The following KIAA1549 variants were observed in gnomAD, a reference collection of about 807,000 sequenced individuals.
KIAA1549 encodes the protein KIAA1549.
In KIAA1549, 70 loss-of-function variants were observed where a neutral mutation model predicts 156.4. The ratio of observed to expected loss-of-function variants is 0.45; its 90% confidence interval spans 0.37 to 0.55. KIAA1549 has a LOEUF of 0.55. Among genes scored for constraint, KIAA1549 ranks in the 20% least tolerant of loss-of-function variants. The pLI is 0.00. For synonymous variants in KIAA1549, 1,103 were observed against 1,066.4 expected (o/e 1.03, Z -0.67); for missense variants, 2,428 against 2,540.9 (o/e 0.96, Z 0.96).
At chr7:138,839,778 CTTTTTTTTTTTTTTT>C (rs763327649) in intron 19 of KIAA1549, among the ~76,000 whole-genome samples, 15 of 61,362 alleles carry the variant, frequency 2.4e-4, no homozygotes, top group African/African-American at 5.8e-4. Context: ...GGGATTATGT[CTTTTTTTTTTTTTTT>C]TTTTTTTTTT....
At chr7:138,865,294 G>A (rs908382570) in intron 15 of KIAA1549, among the ~76,000 whole-genome samples, 1 of 152,090 alleles carries the variant, frequency 6.6e-6, no homozygotes, top group African/African-American at 2.4e-5. Flanking sequence ...AATTATAATG[G>A]TCACCCTTAT....
chr7:138,838,913 C>T lies in KIAA1549; in HGVS notation c.5599-753G>A, dbSNP rs118014407. ...GGCACGGTGTCTCATACTTGTAACCCCAATCCTTTGGGAGGCCAAGGAGAG... is the reference window on the plus strand; with the variant it reads ...GGCACGGTGTCTCATACTTGTAACCTCAATCCTTTGGGAGGCCAAGGAGAG... On this transcript the variant is annotated intron_variant, in intron 19 of 19. Transcript: ENST00000422774. Among the ~76,000 whole-genome samples the T allele has an allele frequency of 8.0e-3, 1,224 of 152,158 alleles. 11 individuals carry two copies. The highest frequency in any genetic ancestry group is 0.012 in the Non-Finnish European group (788 of 68,016).
intron 1 of KIAA1549, among the ~76,000 whole-genome samples, chr7:138,967,083 CAT>C (rs1371141872): frequency 6.6e-6 from 1 of 152,184 alleles, no homozygotes; most frequent in Non-Finnish European, 1.5e-5. Context: ...CGGAGTAACA[CAT>C]GATATCATTA....
intron 1 of KIAA1549, among the ~76,000 whole-genome samples, chr7:138,949,425 A>C (rs1490605149): frequency 1.3e-5 from 2 of 152,178 alleles, no homozygotes; most frequent in Admixed American, 1.3e-4. Context: ...AGTAAAATTT[A>C]ATTTTTATTT....
rs143614599 is a variant in KIAA1549, at chr7:138,954,158, A to T, written c.187+26925T>A. ...CAACAGCAAATAAATATACGATGGT[A>T]GACAGAAATTGCTAGAAGAATATGA... On this transcript the variant is annotated intron_variant, in intron 1 of 19. Coordinates refer to ENST00000422774, the MANE Select transcript of KIAA1549 (RefSeq NM_001164665.2). Among the ~76,000 whole-genome samples, 412 of 152,360 alleles carry T rather than the reference A, an allele frequency of 2.7e-3. 4 individuals are homozygous for T. The highest frequency in any genetic ancestry group is 9.3e-3 in the African/African-American group (386 of 41,580).
chr7:138,894,601 G>T, intron 9 of KIAA1549, 75 bp from the exon 10 acceptor site: 1 of 1,427,496 alleles, frequency 7.0e-7, no homozygotes, highest in Non-Finnish European at 9.7e-7. Context: ...TCTTCTATGA[G>T]AAACTCAGAA....
At chr7:138,906,060 T>A (rs185980972) in intron 6 of KIAA1549, among the ~76,000 whole-genome samples, 1 of 152,344 alleles carries the variant, frequency 6.6e-6, no homozygotes, top group Admixed American at 6.5e-5. Flanking sequence ...TACTTTTTGA[T>A]AGCACCCCTT....
At chr7:138,911,035 A>AATT in intron 4 of KIAA1549, 111 bp downstream of exon 4, 1 of 895,862 alleles carries the variant, frequency 1.1e-6, no homozygotes, top group Non-Finnish European at 1.6e-6. Flanking sequence ...CTGTCTCTAA[A>AATT]AATCATCATC....
chr7:138,961,481 C>G (rs551718980), intron 1 of KIAA1549, among the ~76,000 whole-genome samples: 10 of 152,304 alleles, frequency 6.6e-5, no homozygotes, highest in African/African-American at 1.4e-4. Flanking sequence ...TATCACCCCC[C>G]ACAGGGACCA....
chr7:138,883,112 A>AG (rs1469217314), intron 10 of KIAA1549, among the ~76,000 whole-genome samples: 1 of 125,574 alleles, frequency 8.0e-6, no homozygotes, highest in African/African-American at 3.0e-5. Flanking sequence ...AAAAAAAAAA[A>AG]AAAAATTCAG....
At chr7:138,907,914 C>T (rs1812055886) in intron 5 of KIAA1549, among the ~76,000 whole-genome samples, 1 of 152,134 alleles carries the variant, frequency 6.6e-6, no homozygotes, top group South Asian at 2.1e-4. Context: ...TGCCCCATCC[C>T]CTAGGAAGAA....
chr7:138,899,936 A>C (rs1811794781), intron 8 of KIAA1549, among the ~76,000 whole-genome samples: 1 of 152,052 alleles, frequency 6.6e-6, no homozygotes, highest in Admixed American at 6.6e-5. Flanking sequence ...ATTTCACTCT[A>C]TTTCTCTAAT....
At chr7:138,906,688 C>T (rs971920479) in intron 6 of KIAA1549, among the ~76,000 whole-genome samples, 1 of 151,868 alleles carries the variant, frequency 6.6e-6, no homozygotes, top group Non-Finnish European at 1.5e-5. Flanking sequence ...TAAAAGACTA[C>T]AAATGTGGAG....
intron 1 of KIAA1549, among the ~76,000 whole-genome samples, chr7:138,968,628 A>G (rs1814114646): frequency 6.6e-6 from 1 of 151,518 alleles, no homozygotes; most frequent in African/African-American, 2.4e-5. Context: ...CGGGCAGATC[A>G]TGAGGTCAGG....
Position 138,894,336 on chromosome 7 carries a change from C to T in KIAA1549, c.4032+6G>A, listed in dbSNP as rs370789874. 5.0e-6 allele frequency: 8 copies of T among 1,613,608 alleles called. No individual in the cohort carries two copies. The highest frequency in any genetic ancestry group is 4.5e-5 in the East Asian group (2 of 44,882). On this transcript the variant is annotated splice_donor_region_variant and intron_variant, in intron 10 of 19. Transcript: ENST00000422774. The stretch of plus-strand genomic sequence containing the variant: ...AGGAACACTGGGGGAAGAGGCTGCC[C>T]GTTACCTTCTGACGCTGCTGAATGT...
intron 10 of KIAA1549, among the ~76,000 whole-genome samples, chr7:138,889,827 C>T (rs75389705): frequency 0.015 from 2,250 of 152,224 alleles, 53 homozygotes; most frequent in African/African-American, 0.051. Flanking sequence ...GAAGGAAAAC[C>T]TAGAGGGAAC....
chr7:138,952,936 C>T (rs1026897207), intron 1 of KIAA1549, among the ~76,000 whole-genome samples: 1 of 152,062 alleles, frequency 6.6e-6, no homozygotes, highest in African/African-American at 2.4e-5. Context: ...AGAATATTCT[C>T]CTATCACCAT....
At chr7:138,911,410 T>TACC in intron 3 of KIAA1549, 87 bp from the exon 4 acceptor site, 1 of 1,042,680 alleles carries the variant, frequency 9.6e-7, no homozygotes, top group Non-Finnish European at 1.4e-6. Flanking sequence ...CTAAAAAAAC[T>TACC]GGTAGTTTTG....
At chr7:138,845,642 C>G (rs1810052277) in intron 17 of KIAA1549, among the ~76,000 whole-genome samples, 1 of 152,148 alleles carries the variant, frequency 6.6e-6, no homozygotes, top group African/African-American at 2.4e-5. Context: ...CTGAGTTATG[C>G]AACCTTCTCG....
Sources: allele counts gnomAD v4.1 joint callset (sites outside exome capture counted in the v4.1 genomes callset), GRCh38; gene constraint gnomAD v4.1.1; transcripts MANE v1.5; gene names NCBI Gene and HGNC (gene_info 2026-07-23, HGNC 2026-07-21).